The following YAP1 variants were observed in gnomAD, a reference collection of about 807,000 sequenced individuals.
The protein encoded by YAP1 is transcriptional coactivator YAP1.
A neutral mutation model predicts 56.9 loss-of-function variants in YAP1; 5 were observed. That is an observed-to-expected ratio of 0.09 (90% confidence interval 0.05 to 0.18). The LOEUF (loss-of-function observed/expected upper bound fraction) is 0.18, where lower values mean the gene tolerates loss of function less well. Ranked by LOEUF, YAP1 falls within the 10% of genes least tolerant of loss-of-function variation. YAP1 has a pLI of 1.00. For missense variants in YAP1, 539 were observed against 651.8 expected, an observed-to-expected ratio of 0.83 and a Z score of 1.88; for synonymous variants, 265 against 248.1, an observed-to-expected ratio of 1.07 and a Z score of -0.64.
intron 8 of YAP1, among the ~76,000 whole-genome samples, chr11:102,229,312 A>G (rs1004027391): frequency 2.0e-5 from 3 of 152,334 alleles, no homozygotes; most frequent in East Asian, 3.9e-4. Flanking sequence ...AGGTAGGTCT[A>G]TACCACTCAT....
chr11:102,124,282 A>T (rs1344293088), intron 2 of YAP1, among the ~76,000 whole-genome samples: 2 of 152,098 alleles, frequency 1.3e-5, no homozygotes, highest in Non-Finnish European at 2.9e-5. Flanking sequence ...CCAGTTTGCT[A>T]ATTGAGTGTT....
At chr11:102,115,037 G>C (rs1355178546) in intron 2 of YAP1, among the ~76,000 whole-genome samples, 4 of 151,900 alleles carry the variant, frequency 2.6e-5, no homozygotes, top group Admixed American at 1.3e-4. Flanking sequence ...CTCCTCTCTG[G>C]GAAAACAAAA....
intron 6 of YAP1, among the ~76,000 whole-genome samples, chr11:102,212,161 C>G (rs563523142): frequency 1.7e-4 from 26 of 152,242 alleles, no homozygotes; most frequent in Non-Finnish European, 8.8e-5. Context: ...GGGTTTTTAA[C>G]TTATACTTTG....
At chr11:102,143,834 A>G (rs1292134005) in intron 2 of YAP1, among the ~76,000 whole-genome samples, 1 of 152,274 alleles carries the variant, frequency 6.6e-6, no homozygotes, top group Non-Finnish European at 1.5e-5. Flanking sequence ...CTGTGAAAAC[A>G]GTAGCAAATT....
intron 4 of YAP1, among the ~76,000 whole-genome samples, chr11:102,199,304 G>A (rs950060561): frequency 6.6e-6 from 1 of 152,118 alleles, no homozygotes; most frequent in Non-Finnish European, 1.5e-5. Context: ...GACTCTAAAG[G>A]CTGTGTTTTT....
chr11:102,184,555 A>G (rs1362592491), intron 3 of YAP1, among the ~76,000 whole-genome samples: 1 of 152,150 alleles, frequency 6.6e-6, no homozygotes, highest in African/African-American at 2.4e-5. Context: ...TCCTAACAGG[A>G]TTTTACCCCA....
intron 2 of YAP1, among the ~76,000 whole-genome samples, chr11:102,159,275 C>T (rs111635117): frequency 2.6e-5 from 4 of 152,118 alleles, no homozygotes; most frequent in Admixed American, 2.6e-4. Context: ...CAGCAGGTAC[C>T]CAGGGCGCAG....
chr11:102,111,615 AGGG>A (rs1942922687), intron 1 of YAP1, among the ~76,000 whole-genome samples: 1 of 122,038 alleles, frequency 8.2e-6, no homozygotes, highest in Non-Finnish European at 1.8e-5. Flanking sequence ...GGAAAGGGGG[AGGG>A]GGGCCTCTGG....
At chr11:102,178,668 C>T (rs575627435) in intron 3 of YAP1, among the ~76,000 whole-genome samples, 1 of 152,210 alleles carries the variant, frequency 6.6e-6, no homozygotes, top group East Asian at 1.9e-4. Flanking sequence ...TTAAGTAGTT[C>T]TAATTTATGC....
At chr11:102,220,886 A>G (rs965999470) in intron 6 of YAP1, among the ~76,000 whole-genome samples, 8 of 152,226 alleles carry the variant, frequency 5.3e-5, no homozygotes, top group African/African-American at 1.4e-4. Flanking sequence ...ATGGGTTATT[A>G]TATGGGTTTT....
intron 2 of YAP1, among the ~76,000 whole-genome samples, chr11:102,145,083 T>A (rs889670624): frequency 2.0e-5 from 3 of 152,226 alleles, no homozygotes; most frequent in Admixed American, 2.0e-4. Flanking sequence ...TGTCATTTAA[T>A]GCCTCTTGAA....
At chr11:102,166,982 A>T (rs1484726691) in intron 3 of YAP1, among the ~76,000 whole-genome samples, 1 of 152,224 alleles carries the variant, frequency 6.6e-6, no homozygotes, top group Non-Finnish European at 1.5e-5. Flanking sequence ...AGATTTTATG[A>T]AACTCTATTT....
At chr11:102,198,396 T>G (rs1453828443) in intron 4 of YAP1, among the ~76,000 whole-genome samples, 6 of 152,212 alleles carry the variant, frequency 3.9e-5, no homozygotes, top group African/African-American at 1.4e-4. Flanking sequence ...TTGTGTAATT[T>G]TATTGCTATT....
intron 4 of YAP1, among the ~76,000 whole-genome samples, chr11:102,188,773 A>T (rs1948122452): frequency 6.6e-6 from 1 of 152,196 alleles, no homozygotes; most frequent in Admixed American, 6.5e-5. Context: ...ATTGCCAATG[A>T]TCCATTTCAC....
intron 3 of YAP1, among the ~76,000 whole-genome samples, chr11:102,182,408 C>T (rs1359530255): frequency 6.6e-6 from 1 of 152,182 alleles, no homozygotes; most frequent in African/African-American, 2.4e-5. Context: ...GCATCCTAAC[C>T]CTAGCCCAAA....
intron 2 of YAP1, among the ~76,000 whole-genome samples, chr11:102,119,838 A>G (rs1943541490): frequency 6.6e-6 from 1 of 152,184 alleles, no homozygotes; most frequent in Admixed American, 6.5e-5. Context: ...GCCAAAATAT[A>G]TATAGAAATT....
chr11:102,139,821 T>C (rs1279377436), intron 2 of YAP1, among the ~76,000 whole-genome samples: 1 of 152,204 alleles, frequency 6.6e-6, no homozygotes, highest in African/African-American at 2.4e-5. Context: ...GTAGATTGCT[T>C]TGTTGCCTAC....
At chr11:102,152,815 A>G (rs966926104) in intron 2 of YAP1, among the ~76,000 whole-genome samples, 1 of 152,196 alleles carries the variant, frequency 6.6e-6, no homozygotes, top group African/African-American at 2.4e-5. Context: ...TTAAAGGGAA[A>G]CTTAACAGCC....
chr11:102,125,373 CTTTTCTT>C (rs1232893533), intron 2 of YAP1, among the ~76,000 whole-genome samples: 1 of 120,148 alleles, frequency 8.3e-6, no homozygotes, highest in African/African-American at 3.1e-5. Flanking sequence ...TTTTTCTTTT[CTTTTCTT>C]TTTTTTTTTT....
Sources: allele counts gnomAD v4.1 joint callset (sites outside exome capture counted in the v4.1 genomes callset), GRCh38; gene constraint gnomAD v4.1.1; transcripts MANE v1.5; gene names NCBI Gene and HGNC (gene_info 2026-07-23, HGNC 2026-07-21).